Variants in PDS5A observed in about 807,000 individuals in gnomAD.
The protein encoded by PDS5A is sister chromatid cohesion protein PDS5 homolog A.
A neutral mutation model predicts 167.1 loss-of-function variants in PDS5A; 42 were observed. The ratio of observed to expected loss-of-function variants is 0.25; its 90% CI spans 0.20 to 0.33. PDS5A has a LOEUF of 0.33. Ranked by LOEUF, PDS5A falls within the 10% of genes least tolerant of loss-of-function variation. The pLI is 1.00. For synonymous variants in PDS5A, 553 were observed against 554.6 expected (o/e 1.00, Z 0.04); for missense variants, 1,033 against 1,605.9 (o/e 0.64, Z 6.10).
At chr4:39,842,909 T>TA (rs1717167841) in intron 30 of PDS5A, among the ~76,000 whole-genome samples, 16 of 92,310 alleles carry the variant, frequency 1.7e-4, no homozygotes, top group East Asian at 7.7e-4. Context: ...TATCCTATTT[T>TA]TATATATATA....
intron 2 of PDS5A, among the ~76,000 whole-genome samples, chr4:39,968,870 G>A (rs1276954577): frequency 1.3e-5 from 2 of 150,976 alleles, no homozygotes; most frequent in Non-Finnish European, 2.9e-5. Context: ...CTGCCTCCCA[G>A]GTTCAAGGGA....
intron 16 of PDS5A, among the ~76,000 whole-genome samples, chr4:39,892,020 G>A (rs556972501): frequency 5.3e-4 from 80 of 152,272 alleles, no homozygotes; most frequent in African/African-American, 1.9e-3. Context: ...CTGAGGTGGG[G>A]GGGATCACTT....
At chr4:39,852,803 A>T (rs2109523967) in intron 26 of PDS5A, among the ~76,000 whole-genome samples, 1 of 152,256 alleles carries the variant, frequency 6.6e-6, no homozygotes, top group Middle Eastern at 3.4e-3. Context: ...TTTCTGGATG[A>T]CATTTTTCCT....
chr4:39,869,533 TC>T lies in PDS5A; in HGVS notation c.2437-72del, dbSNP rs1308014902. The T allele has an allele frequency of 6.7e-6, 6 of 893,878 alleles. No homozygotes were observed. The African/African-American group carries it at 9.9e-5, about 15-fold the overall frequency. The allele number at this position is 893,878 out of a possible 1,614,324, so 55.4% of individuals were successfully genotyped here. On this transcript the variant is annotated intron_variant, in intron 21 of 32. Coordinates refer to ENST00000303538, the MANE Select transcript of PDS5A (RefSeq NM_001100399.2). ...TTTATGTTTTTGCTGATTAAGTTTT[TC>T]ATGTTGATCAACACAGCCTCTGAGA...
At chr4:39,911,529 T>C in intron 9 of PDS5A, among the ~76,000 whole-genome samples, 1 of 151,986 alleles carries the variant, frequency 6.6e-6, no homozygotes, top group East Asian at 1.9e-4. Flanking sequence ...ACACAATATG[T>C]AGACTCAAAA....
At chr4:39,895,010 G>A (rs1354070388) in intron 16 of PDS5A, among the ~76,000 whole-genome samples, 2 of 151,852 alleles carry the variant, frequency 1.3e-5, no homozygotes, top group Admixed American at 6.6e-5. Context: ...GGCGGATCAC[G>A]AGGTCAGGAG....
chr4:39,941,620 C>T (rs1578789731), intron 2 of PDS5A, among the ~76,000 whole-genome samples: 1 of 152,198 alleles, frequency 6.6e-6, no homozygotes, highest in Non-Finnish European at 1.5e-5. Flanking sequence ...TGAAAGTCCA[C>T]CTAATACACA....
chr4:39,842,937 A>ATATATATATATATATT lies in PDS5A; in HGVS notation c.3549-882_3549-881insAATATATATATATATA, dbSNP rs1433177642. 1.5e-3 allele frequency among the ~76,000 whole-genome samples: 207 copies of ATATATATATATATATT among 139,710 alleles called. 6 individuals carry two copies. The highest frequency in any genetic ancestry group is 4.8e-3 in the African/African-American group (173 of 36,348). The allele number at this position is 139,710 out of a possible 152,430, so 91.7% of individuals were successfully genotyped here. A position where few individuals can be genotyped will look rare whatever the true frequency, so the allele number is the denominator to read the frequency against. On this transcript the variant is annotated intron_variant, in intron 30 of 32. Coordinates refer to ENST00000303538, the MANE Select transcript of PDS5A (RefSeq NM_001100399.2). ...TATATATATATATATATATATATATATTTTAAGAGACAGGGTCTTAGGCTG... is the reference window on the plus strand; with the variant it reads ...TATATATATATATATATATATATATATATATATATATATATTTTTTAAGAGACAGGGTCTTAGGCTG...
intron 2 of PDS5A, chr4:39,973,764 T>C (rs974730857): frequency 8.5e-6 from 11 of 1,294,542 alleles, no homozygotes; most frequent in African/African-American, 5.8e-5. Context: ...TGCCCAACCA[T>C]GTAATCAACC....
At chr4:39,916,448 ATATC>A (rs1306779733) in intron 8 of PDS5A, among the ~76,000 whole-genome samples, 12 of 152,222 alleles carry the variant, frequency 7.9e-5, no homozygotes, top group Admixed American at 3.3e-4. Flanking sequence ...GTTCTAAAAC[ATATC>A]TATCTAATAA....
intron 2 of PDS5A, among the ~76,000 whole-genome samples, chr4:39,960,672 GCAC>G (rs1729397956): frequency 6.6e-6 from 1 of 151,554 alleles, no homozygotes; most frequent in South Asian, 2.1e-4. Flanking sequence ...GGGACTACAG[GCAC>G]CTGCCACCAT....
At chr4:39,893,784 A>G (rs1461198001) in intron 16 of PDS5A, among the ~76,000 whole-genome samples, 2 of 152,232 alleles carry the variant, frequency 1.3e-5, no homozygotes, top group African/African-American at 4.8e-5. Flanking sequence ...TAGTTAAATA[A>G]CATACTCAAG....
chr4:39,837,362 A>T (rs184950757), intron 32 of PDS5A: 10 of 154,220 alleles, frequency 6.5e-5, no homozygotes, highest in African/African-American at 2.4e-4. Context: ...CACAAGAATG[A>T]TCAAAGATGA....
chr4:39,899,984 G>GT (rs377600516), intron 14 of PDS5A, among the ~76,000 whole-genome samples: 11 of 150,222 alleles, frequency 7.3e-5, no homozygotes, highest in African/African-American at 2.4e-4. Flanking sequence ...AAAATGTAAA[G>GT]TTTTTTTCCC....
In PDS5A at chr4:39,922,752, T is replaced by TAAA. The variant is rs368289837; in HGVS notation, c.528-7_528-5dup. The TAAA allele has an allele frequency of 3.4e-3, 4,220 of 1,235,798 alleles. 18 individuals carry two copies. The highest frequency in any genetic ancestry group is 0.024 in the African/African-American group (1,433 of 59,510). 76.6% of individuals were successfully genotyped at this position (1,235,798 alleles called of 1,614,324 possible). A position where few individuals can be genotyped will look rare whatever the true frequency, so the allele number is the denominator to read the frequency against. ...TACCTTCTTATTGTGGCTATTGCTATAAAAAAAAAAAAAAAAGAATAAGTA... is the reference window on the plus strand; with the variant it reads ...TACCTTCTTATTGTGGCTATTGCTATAAAAAAAAAAAAAAAAAAAGAATAAGTA... On this transcript the variant is annotated splice_polypyrimidine_tract_variant and splice_region_variant and intron_variant, in intron 5 of 32. Coordinates refer to ENST00000303538, the MANE Select transcript of PDS5A (RefSeq NM_001100399.2).
At chr4:39,862,508 A>G (rs1253701157) in intron 25 of PDS5A, among the ~76,000 whole-genome samples, 175 bp from the exon 26 acceptor site, 1 of 152,214 alleles carries the variant, frequency 6.6e-6, no homozygotes, top group Non-Finnish European at 1.5e-5. Flanking sequence ...GGTACCTGGT[A>G]TGCAGTTGTA....
chr4:39,955,888 GT>G (rs1728879041), intron 2 of PDS5A, among the ~76,000 whole-genome samples: 1 of 152,078 alleles, frequency 6.6e-6, no homozygotes, highest in Non-Finnish European at 1.5e-5. Context: ...GCCAAGGCAG[GT>G]GGATTACCTG....
At chr4:39,892,675 G>C (rs900018998) in intron 16 of PDS5A, among the ~76,000 whole-genome samples, 1 of 152,196 alleles carries the variant, frequency 6.6e-6, no homozygotes, top group African/African-American at 2.4e-5. Flanking sequence ...ATCATGCAGT[G>C]AATTATAACA....
intron 2 of PDS5A, among the ~76,000 whole-genome samples, chr4:39,969,281 G>A (rs59407597): frequency 6.6e-6 from 1 of 152,062 alleles, no homozygotes; most frequent in Non-Finnish European, 1.5e-5. Context: ...TGAAAAATTA[G>A]AACAGAAATA....
Sources: allele counts gnomAD v4.1 joint callset (sites outside exome capture counted in the v4.1 genomes callset), GRCh38; gene constraint gnomAD v4.1.1; transcripts MANE v1.5; gene names NCBI Gene and HGNC (gene_info 2026-07-23, HGNC 2026-07-21).